SYT9: variants seen among roughly 807,000 people sequenced by gnomAD.
SYT9 encodes synaptotagmin 9.
In SYT9, 22 loss-of-function variants were observed where a neutral mutation model predicts 48.4. The observed-to-expected ratio is 0.45, with a 90% CI of 0.32 to 0.65. The LOEUF (loss-of-function observed/expected upper bound fraction) is 0.65. Among genes scored for constraint, SYT9 ranks in the 30% least tolerant of loss-of-function variants. The probability of loss-of-function intolerance (pLI) is 0.03; values close to 1 mark genes in which losing one functional copy is unlikely to be tolerated. For synonymous variants in SYT9, 265 were observed against 245.0 expected (o/e 1.08, Z -0.76); for missense variants, 577 against 622.0 (o/e 0.93, Z 0.77).
chr11:7,330,263 T>C (rs993839662), intron 3 of SYT9, among the ~76,000 whole-genome samples: 1 of 152,138 alleles, frequency 6.6e-6, no homozygotes, highest in African/African-American at 2.4e-5. Flanking sequence ...TGGATGGATA[T>C]CAGGGGTATA....
chr11:7,409,222 G>A (rs1847086473), intron 3 of SYT9, among the ~76,000 whole-genome samples: 1 of 152,132 alleles, frequency 6.6e-6, no homozygotes, highest in South Asian at 2.1e-4. Context: ...TGCATATGTT[G>A]AGCCATCAGT....
intron 6 of SYT9, among the ~76,000 whole-genome samples, chr11:7,448,297 A>G (rs746259768): frequency 5.9e-5 from 9 of 152,236 alleles, no homozygotes; most frequent in Non-Finnish European, 1.2e-4. Flanking sequence ...TGCAGCCTTT[A>G]CAGTGAGAGG....
intron 6 of SYT9, among the ~76,000 whole-genome samples, chr11:7,449,419 G>A (rs1399256085): frequency 6.6e-6 from 1 of 151,452 alleles, no homozygotes; most frequent in Non-Finnish European, 1.5e-5. Context: ...GAGGGACTAA[G>A]TGGCCTCTTG....
intron 3 of SYT9, among the ~76,000 whole-genome samples, chr11:7,335,782 A>G (rs970176427): frequency 6.6e-6 from 1 of 152,062 alleles, no homozygotes; most frequent in Non-Finnish European, 1.5e-5. Flanking sequence ...ATGTCTTGCT[A>G]TTGTGAATAG....
At chr11:7,429,754 A>T (rs1177868811) in intron 6 of SYT9, among the ~76,000 whole-genome samples, 1 of 151,972 alleles carries the variant, frequency 6.6e-6, no homozygotes, top group Non-Finnish European at 1.5e-5. Context: ...CCCACAGTAG[A>T]CTCCCATTAA....
chr11:7,427,014 C>T (rs1847471322), intron 6 of SYT9, among the ~76,000 whole-genome samples: 3 of 152,136 alleles, frequency 2.0e-5, no homozygotes, highest in African/African-American at 4.8e-5. Flanking sequence ...GGCGTTTATT[C>T]AATGCATGCA....
intron 3 of SYT9, among the ~76,000 whole-genome samples, chr11:7,356,053 T>G (rs1401850366): frequency 1.3e-5 from 2 of 152,208 alleles, no homozygotes; most frequent in Admixed American, 1.3e-4. Context: ...CCTAAATCAT[T>G]CCAAAGGGAT....
At chr11:7,452,458 A>G (rs1453533200) in intron 6 of SYT9, among the ~76,000 whole-genome samples, 1 of 152,180 alleles carries the variant, frequency 6.6e-6, no homozygotes, top group East Asian at 1.9e-4. Context: ...CTCTTGTGCA[A>G]TGTCTTGAGA....
intron 6 of SYT9, among the ~76,000 whole-genome samples, chr11:7,423,383 C>T (rs538387978): frequency 5.0e-4 from 76 of 152,282 alleles, no homozygotes; most frequent in Admixed American, 4.5e-3. Context: ...GAGGAGGCAA[C>T]AGGCAGACTG....
chr11:7,298,410 G>T (rs945124804), intron 1 of SYT9, among the ~76,000 whole-genome samples: 2 of 151,986 alleles, frequency 1.3e-5, no homozygotes, highest in African/African-American at 4.8e-5. Flanking sequence ...GAATTAATTT[G>T]CCTCTTGCAT....
At chr11:7,349,408 C>CACACACACA (rs1554910612) in intron 3 of SYT9, among the ~76,000 whole-genome samples, 4 of 151,372 alleles carry the variant, frequency 2.6e-5, no homozygotes, top group South Asian at 2.1e-4. Context: ...CACACACACA[C>CACACACACA]CATGAAAACT....
At chr11:7,462,805 G>T (rs1214164092) in intron 6 of SYT9, among the ~76,000 whole-genome samples, 1 of 152,102 alleles carries the variant, frequency 6.6e-6, no homozygotes, top group African/African-American at 2.4e-5. Flanking sequence ...AGAGCCCTTA[G>T]GTACTTCCTG....
At chr11:7,344,188 C>T (rs186191905) in intron 3 of SYT9, among the ~76,000 whole-genome samples, 2 of 152,284 alleles carry the variant, frequency 1.3e-5, no homozygotes, top group Non-Finnish European at 2.9e-5. Context: ...CATTAATTTC[C>T]ACCAGGAGGA....
chr11:7,453,710 C>T (rs982789079), intron 6 of SYT9, among the ~76,000 whole-genome samples: 1 of 152,194 alleles, frequency 6.6e-6, no homozygotes, highest in African/African-American at 2.4e-5. Flanking sequence ...GACAGCCAAG[C>T]AGAGGCCTGA....
intron 3 of SYT9, among the ~76,000 whole-genome samples, chr11:7,360,555 A>G (rs1471855034): frequency 6.6e-6 from 1 of 152,136 alleles, no homozygotes; most frequent in Non-Finnish European, 1.5e-5. Context: ...TTCTCCTTGA[A>G]GAGGTCCTTC....
chr11:7,351,554 A>C (rs1849915327), intron 3 of SYT9, among the ~76,000 whole-genome samples: 1 of 152,214 alleles, frequency 6.6e-6, no homozygotes, highest in African/African-American at 2.4e-5. Context: ...ATGGGGAAAG[A>C]AAGCATCTCC....
intron 3 of SYT9, among the ~76,000 whole-genome samples, chr11:7,316,887 G>C (rs772660158): frequency 1.3e-4 from 20 of 152,152 alleles, no homozygotes; most frequent in Non-Finnish European, 2.8e-4. Context: ...ACCATCTCTT[G>C]ATATGTTTAT....
rs188136137 is a variant in SYT9, at chr11:7,345,768, T to C, written c.1044+31827T>C. Among the ~76,000 whole-genome samples, 40 of 152,366 alleles carry C rather than the reference T, an allele frequency of 2.6e-4. No homozygotes were observed. The East Asian group carries it at 6.5e-3, about 25-fold the overall frequency. ...ACAAATTGTCAACATATCCTGTTTA[T>C]GGTATTTGAAAAATAGATGTTGACA... On this transcript the variant is annotated intron_variant, in intron 3 of 6. Transcript: ENST00000318881.
intron 1 of SYT9, among the ~76,000 whole-genome samples, chr11:7,293,269 G>T (rs994602273): frequency 6.6e-6 from 1 of 152,108 alleles, no homozygotes; most frequent in African/African-American, 2.4e-5. Flanking sequence ...CTCTGTGTCA[G>T]TCACAAAAAA....
Sources: gnomAD v4.1 joint callset for allele counts (sites outside exome capture counted in the v4.1 genomes callset) on GRCh38, gnomAD v4.1.1 for gene constraint, MANE v1.5 for transcripts, NCBI Gene and HGNC (gene_info 2026-07-23, HGNC 2026-07-21) for gene names.